Variants in SNTG1 observed in about 807,000 individuals in gnomAD.
SNTG1 encodes the protein syntrophin gamma 1, also known as gamma-1-syntrophin.
A neutral mutation model predicts 74.7 loss-of-function variants in SNTG1; 39 were observed. The observed-to-expected ratio is 0.52, with a 90% CI of 0.40 to 0.68. The LOEUF is 0.68. Among genes scored for constraint, SNTG1 ranks in the 30% least tolerant of loss-of-function variants. The pLI, the probability that SNTG1 is intolerant of heterozygous loss-of-function variation, is 0.00. For missense variants in SNTG1, 685 were observed against 609.5 expected (o/e 1.12, Z -1.30); for synonymous variants, 254 against 217.1 (o/e 1.17, Z -1.49).
chr8:50,734,708 CTA>C (rs1323483490), intron 17 of SNTG1, among the ~76,000 whole-genome samples: 1 of 143,228 alleles, frequency 7.0e-6, no homozygotes, highest in Non-Finnish European at 1.5e-5. Flanking sequence ...ATATATCTCT[CTA>C]TATATGGACA....
chr8:50,124,427 T>C lies in SNTG1; in HGVS notation c.-102-48134T>C, dbSNP rs576471392. On this transcript the variant is annotated intron_variant, in intron 1 of 18. Coordinates refer to ENST00000642720, the MANE Select transcript of SNTG1 (RefSeq NM_018967.5). Reference sequence around the variant, plus strand: ...TGTGAATAGTATTGCTGCTAAAGGATAGATGTAATGAATCATTGTTCAGAA... The same window carrying C: ...TGTGAATAGTATTGCTGCTAAAGGACAGATGTAATGAATCATTGTTCAGAA... Among the ~76,000 whole-genome samples, 8 of 142,658 alleles carry C rather than the reference T, an allele frequency of 5.6e-5. 1 individual carries two copies. Among genetic ancestry groups the C allele is most frequent in the Admixed American group, 1.4e-4 (2 of 13,878 alleles). The allele number at this position is 142,658 out of a possible 152,430, so 93.6% of individuals were successfully genotyped here.
At chr8:50,554,367 G>A (rs1465384912) in intron 12 of SNTG1, among the ~76,000 whole-genome samples, 1 of 152,106 alleles carries the variant, frequency 6.6e-6, no homozygotes, top group Non-Finnish European at 1.5e-5. Flanking sequence ...ACTCTTGGTG[G>A]ATGATATGTT....
chr8:50,723,615 G>A (rs1406665213), intron 17 of SNTG1, among the ~76,000 whole-genome samples: 1 of 152,130 alleles, frequency 6.6e-6, no homozygotes, highest in African/African-American at 2.4e-5. Context: ...CATTAAAATT[G>A]ATTCTGTTTT....
intron 1 of SNTG1, among the ~76,000 whole-genome samples, chr8:49,990,245 C>A (rs1209697827): frequency 1.3e-5 from 2 of 151,840 alleles, no homozygotes; most frequent in Non-Finnish European, 2.9e-5. Flanking sequence ...TTTCTATATA[C>A]TATAATGAAC....
At chr8:49,977,201 A>C (rs1405055214) in intron 1 of SNTG1, among the ~76,000 whole-genome samples, 1 of 152,186 alleles carries the variant, frequency 6.6e-6, no homozygotes, top group Admixed American at 6.5e-5. Flanking sequence ...AGCAGACTCA[A>C]TAGATAAAAA....
At chr8:50,234,408 C>G (rs754654637) in intron 2 of SNTG1, among the ~76,000 whole-genome samples, 2 of 151,672 alleles carry the variant, frequency 1.3e-5, no homozygotes, top group Non-Finnish European at 2.9e-5. Flanking sequence ...AGGAGTAGTA[C>G]GAGGGAGTTG....
chr8:50,175,465 A>G (rs192862735), intron 2 of SNTG1, among the ~76,000 whole-genome samples: 1 of 152,302 alleles, frequency 6.6e-6, no homozygotes, highest in East Asian at 1.9e-4. Flanking sequence ...ATTGAAGGGG[A>G]CAGAGAGCAA....
intron 2 of SNTG1, among the ~76,000 whole-genome samples, chr8:50,259,029 G>T (rs2087022525): frequency 6.6e-6 from 1 of 152,044 alleles, no homozygotes; most frequent in Admixed American, 6.6e-5. Context: ...AGGCAAAGAA[G>T]AAAATCGTAA....
At chr8:50,650,309 GTTAT>G (rs926079798) in intron 13 of SNTG1, among the ~76,000 whole-genome samples, 16 of 152,000 alleles carry the variant, frequency 1.1e-4, no homozygotes, top group Non-Finnish European at 4.4e-5. Context: ...TAAATCTCAA[GTTAT>G]TTATTTAATT....
intron 1 of SNTG1, among the ~76,000 whole-genome samples, chr8:50,024,970 C>T (rs1416252203): frequency 4.6e-5 from 7 of 152,030 alleles, no homozygotes; most frequent in African/African-American, 1.7e-4. Flanking sequence ...TCGTTTATTT[C>T]TGAAATTTCC....
At chr8:50,617,563 C>A (rs1285334817) in intron 13 of SNTG1, among the ~76,000 whole-genome samples, 1 of 152,180 alleles carries the variant, frequency 6.6e-6, no homozygotes. Context: ...AGACAAAACT[C>A]CTCAGACACC....
intron 2 of SNTG1, among the ~76,000 whole-genome samples, chr8:50,390,507 C>A (rs969528594): frequency 6.6e-6 from 1 of 152,298 alleles, no homozygotes; most frequent in East Asian, 1.9e-4. Flanking sequence ...TAGCTTGATG[C>A]CTCCAGCTTT....
intron 5 of SNTG1, among the ~76,000 whole-genome samples, chr8:50,440,909 A>G (rs1271678746): frequency 2.0e-5 from 3 of 152,224 alleles, no homozygotes; most frequent in Admixed American, 2.0e-4. Flanking sequence ...TAAAAAAGAA[A>G]AAAACTTGGT....
At chr8:50,755,745 T>A (rs2095578749) in intron 18 of SNTG1, among the ~76,000 whole-genome samples, 1 of 151,920 alleles carries the variant, frequency 6.6e-6, no homozygotes, top group South Asian at 2.1e-4. Context: ...TTGCTTTTGC[T>A]CCACAATCTC....
At chr8:50,426,603 T>A (rs1002503560) in intron 4 of SNTG1, among the ~76,000 whole-genome samples, 11 of 151,768 alleles carry the variant, frequency 7.2e-5, no homozygotes, top group Non-Finnish European at 1.6e-4. Context: ...ACTTTATAAG[T>A]AAAAAATGTT....
intron 4 of SNTG1, among the ~76,000 whole-genome samples, chr8:50,424,965 G>A (rs1298220075): frequency 6.6e-6 from 1 of 152,118 alleles, no homozygotes; most frequent in African/African-American, 2.4e-5. Context: ...ATATTTACAG[G>A]TGAAACTGGA....
intron 13 of SNTG1, among the ~76,000 whole-genome samples, chr8:50,631,290 C>T (rs1326373195): frequency 1.3e-5 from 2 of 152,176 alleles, no homozygotes; most frequent in Non-Finnish European, 2.9e-5. Flanking sequence ...GTTTCATTTC[C>T]TCACAGCACC....
chr8:50,162,966 G>A (rs1200573155), intron 1 of SNTG1, among the ~76,000 whole-genome samples: 1 of 152,194 alleles, frequency 6.6e-6, no homozygotes, highest in Non-Finnish European at 1.5e-5. Flanking sequence ...CCTTTCTAAT[G>A]GCTCAGGGCA....
At chr8:50,519,469 G>GA (rs1225549246) in intron 9 of SNTG1, among the ~76,000 whole-genome samples, 1 of 151,788 alleles carries the variant, frequency 6.6e-6, no homozygotes, top group African/African-American at 2.4e-5. Flanking sequence ...TCAGGCAAGA[G>GA]AAAAAAAATA....
Sources: allele counts gnomAD v4.1 joint callset (sites outside exome capture counted in the v4.1 genomes callset), GRCh38; gene constraint gnomAD v4.1.1; transcripts MANE v1.5; gene names NCBI Gene and HGNC (gene_info 2026-07-23, HGNC 2026-07-21).